The following KCNAB2 variants were observed in gnomAD, a reference collection of about 807,000 sequenced individuals.
KCNAB2 encodes voltage-gated potassium channel subunit beta-2.
In KCNAB2, 29 loss-of-function variants were observed where a neutral mutation model predicts 63.6. That is an observed-to-expected ratio of 0.46 (90% CI 0.34 to 0.62). KCNAB2 has a LOEUF of 0.62. Among genes scored for constraint, KCNAB2 ranks in the 20% least tolerant of loss-of-function variants. The pLI, the probability that KCNAB2 is intolerant of heterozygous loss-of-function variation, is 0.01. For synonymous variants in KCNAB2, 222 were observed against 224.2 expected, an observed-to-expected ratio of 0.99 and a Z score of 0.09; for missense variants, 359 against 563.9, an observed-to-expected ratio of 0.64 and a Z score of 3.68.
At chr1:6,049,569 C>T (rs537896368) in intron 1 of KCNAB2, among the ~76,000 whole-genome samples, 1 of 152,202 alleles carries the variant, frequency 6.6e-6, no homozygotes, top group South Asian at 2.1e-4. Flanking sequence ...AGCAGGCTCC[C>T]CAAGGACGAC....
chr1:6,099,978 G>A lies in KCNAB2; in HGVS notation c.*1404G>A. On this transcript the variant is annotated 3_prime_UTR_variant, in exon 16 of 16. Transcript: ENST00000378083. ...ACCCAGGCTTTGCAGACCACGCGGGGCAGGGCTCCACTGAAGCCACCCCCA... is the reference window on the plus strand; with the variant it reads ...ACCCAGGCTTTGCAGACCACGCGGGACAGGGCTCCACTGAAGCCACCCCCA... 1.9e-6 allele frequency: 3 copies of A among 1,548,694 alleles called. No individual in the cohort carries two copies. The highest frequency in any genetic ancestry group is 2.6e-6 in the Non-Finnish European group (3 of 1,146,120).
intron 1 of KCNAB2, among the ~76,000 whole-genome samples, chr1:6,008,988 G>A (rs556063908): frequency 4.9e-4 from 74 of 152,336 alleles, no homozygotes; most frequent in African/African-American, 1.7e-3. Flanking sequence ...AATTGGACAC[G>A]TCCAGGCCAG....
intron 1 of KCNAB2, among the ~76,000 whole-genome samples, chr1:6,029,253 A>T (rs1659418892): frequency 6.7e-6 from 1 of 149,622 alleles, no homozygotes; most frequent in Non-Finnish European, 1.5e-5. Flanking sequence ...ATTGCACTCC[A>T]GCCCGGGCGA....
chr1:6,042,589 G>A (rs889264065), upstream of KCNAB2, among the ~76,000 whole-genome samples: 2 of 152,148 alleles, frequency 1.3e-5, no homozygotes, highest in African/African-American at 2.4e-5. Context: ...GAAGTAAAAT[G>A]TCAGGGCTGC....
upstream of KCNAB2, among the ~76,000 whole-genome samples, chr1:6,033,410 G>A (rs1478395035): frequency 6.6e-6 from 1 of 150,870 alleles, no homozygotes; most frequent in African/African-American, 2.4e-5. Flanking sequence ...GTGCCTGTAT[G>A]TGTGCATGTC....
At chr1:6,079,210 C>T (rs1489298781) in intron 4 of KCNAB2, among the ~76,000 whole-genome samples, 3 of 152,136 alleles carry the variant, frequency 2.0e-5, no homozygotes, top group Non-Finnish European at 4.4e-5. Context: ...CCCCCACCCA[C>T]TCTCTCCTTG....
intron 7 of KCNAB2, among the ~76,000 whole-genome samples, chr1:6,088,703 AAATAAT>A (rs3040477): frequency 3.4e-4 from 48 of 142,484 alleles, no homozygotes; most frequent in South Asian, 2.0e-3. Flanking sequence ...TTAATTTAAA[AAATAAT>A]AATAATAATA....
intron 1 of KCNAB2, among the ~76,000 whole-genome samples, chr1:6,019,652 A>G (rs916329562): frequency 2.6e-5 from 4 of 152,180 alleles, no homozygotes; most frequent in Non-Finnish European, 5.9e-5. Context: ...GTCTTCACTG[A>G]TACAGCACCA....
intron 1 of KCNAB2, among the ~76,000 whole-genome samples, chr1:6,009,384 G>A (rs745657894): frequency 1.9e-4 from 29 of 152,302 alleles, no homozygotes; most frequent in South Asian, 1.0e-3. Context: ...GGGGCCCGGT[G>A]GTGTCCGTGT....
chr1:5,996,798 C>A (rs1323126453), intron 1 of KCNAB2, among the ~76,000 whole-genome samples: 1 of 152,204 alleles, frequency 6.6e-6, no homozygotes, highest in Admixed American at 6.5e-5. Flanking sequence ...GCCGAGCAGC[C>A]GAGATCTATC....
intron 1 of KCNAB2, among the ~76,000 whole-genome samples, chr1:6,002,838 C>T (rs1166753417): frequency 2.0e-5 from 3 of 152,190 alleles, no homozygotes; most frequent in Non-Finnish European, 2.9e-5. Context: ...CTCTGGACGA[C>T]GCTGACAGCA....
At chr1:6,072,663 G>A in intron 2 of KCNAB2, 92 bp from the exon 3 acceptor site, 1 of 1,342,988 alleles carries the variant, frequency 7.4e-7, no homozygotes, top group Non-Finnish European at 1.1e-6. Context: ...ACTGTTGGGG[G>A]AGTGGGTGGG....
At position 6,086,478 on chromosome 1, in the gene KCNAB2, G is replaced by A. The variant is rs1225199209; in HGVS notation, c.426-989G>A. 1.4e-5 allele frequency: 10 copies of A among 726,738 alleles called. No homozygotes were observed. The highest frequency in any genetic ancestry group is 6.2e-5 in the South Asian group (1 of 16,220). The allele number at this position is 726,738 out of a possible 1,614,324, so 45.0% of individuals were successfully genotyped here. A position where few individuals can be genotyped will look rare whatever the true frequency, so the allele number is the denominator to read the frequency against. ...AGAGCTCTGTGGCCGATGCTTCGGGGCAGAGGAGGCCTCCTACTCCAGCCT... is the reference window on the plus strand; with the variant it reads ...AGAGCTCTGTGGCCGATGCTTCGGGACAGAGGAGGCCTCCTACTCCAGCCT... On this transcript the variant is annotated intron_variant, in intron 6 of 15. Transcript: ENST00000378083. This position sits in a 1 kb window ranked among gnomAD's most constrained non-coding sequence, Gnocchi z 4.2.
At chr1:6,034,500 C>T (rs1179444801) in exon 1 of KCNAB2, 1 of 152,302 alleles carries the variant, frequency 6.6e-6, no homozygotes, top group Non-Finnish European at 1.5e-5. Flanking sequence ...TACAGCCTGA[C>T]CTCGGGTCAA....
At chr1:6,043,809 C>T (rs1270015215), upstream of KCNAB2, among the ~76,000 whole-genome samples, 3 of 152,222 alleles carry the variant, frequency 2.0e-5, no homozygotes, top group Non-Finnish European at 2.9e-5. Context: ...GACACTGTGC[C>T]AATCAGCTGT....
chr1:6,066,679 G>A (rs1216057066), intron 2 of KCNAB2, among the ~76,000 whole-genome samples: 1 of 152,208 alleles, frequency 6.6e-6, no homozygotes, highest in African/African-American at 2.4e-5. Context: ...AGATGCCCTG[G>A]GGGTGGTCTG....
Position 6,098,747 on chromosome 1 carries a change from T to C in KCNAB2, c.*173T>C. 1 of 784,210 alleles carries C rather than the reference T, an allele frequency of 1.3e-6. No individual in the cohort carries two copies. Among genetic ancestry groups the C allele is most frequent in the Non-Finnish European group, 2.0e-6 (1 of 505,290 alleles). 48.6% of individuals were successfully genotyped at this position (784,210 alleles called of 1,614,324 possible). The stretch of plus-strand genomic sequence containing the variant: ...GTCGCTGCCAGACACCACCCACTGC[T>C]TCGCCGGACAATGTCGAAGTCCAGT... On this transcript the variant is annotated 3_prime_UTR_variant, in exon 16 of 16. Transcript: ENST00000378083.
At chr1:6,063,342 G>A (rs759821047) in intron 2 of KCNAB2, among the ~76,000 whole-genome samples, 31 of 151,722 alleles carry the variant, frequency 2.0e-4, no homozygotes, top group Middle Eastern at 3.4e-3. Context: ...GGAATCATAC[G>A]TGTTCTTTCA....
At chr1:6,016,357 A>C (rs1658500063) in intron 1 of KCNAB2, among the ~76,000 whole-genome samples, 1 of 152,182 alleles carries the variant, frequency 6.6e-6, no homozygotes, top group Admixed American at 6.5e-5. Context: ...GGATGCACTG[A>C]CGTCCCTTGG....
Sources: gnomAD v4.1 joint callset for allele counts (sites outside exome capture counted in the v4.1 genomes callset) on GRCh38, gnomAD v4.1.1 for gene constraint, Gnocchi (gnomAD v3.1) non-coding constraint, MANE v1.5 for transcripts, NCBI Gene and HGNC (gene_info 2026-07-23, HGNC 2026-07-21) for gene names.